FILIP1L: variants seen among roughly 807,000 people sequenced by gnomAD.
The protein encoded by FILIP1L is filamin A interacting protein 1 like.
A neutral mutation model predicts 96.6 loss-of-function variants in FILIP1L; 55 were observed. The ratio of observed to expected loss-of-function variants is 0.57; its 90% CI spans 0.46 to 0.71. FILIP1L has a LOEUF of 0.71. Among genes scored for constraint, FILIP1L ranks in the 30% least tolerant of loss-of-function variants. FILIP1L has a pLI of 0.00. For synonymous variants in FILIP1L, 467 were observed against 473.9 expected (o/e 0.99, Z 0.19); for missense variants, 1,304 against 1,321.2 (o/e 0.99, Z 0.20).
At chr3:100,100,852 T>C (rs953109472) in intron 1 of FILIP1L, among the ~76,000 whole-genome samples, 2 of 152,168 alleles carry the variant, frequency 1.3e-5, no homozygotes, top group African/African-American at 4.8e-5. Context: ...TGAAGAGAAT[T>C]CTTTCAGGCA....
At chr3:100,080,629 G>C (rs1481785164) in intron 1 of FILIP1L, among the ~76,000 whole-genome samples, 5 of 152,196 alleles carry the variant, frequency 3.3e-5, no homozygotes, top group Non-Finnish European at 5.9e-5. Flanking sequence ...GTGATGCCTT[G>C]TTCTGTTCTC....
At chr3:99,934,241 A>G (rs773876018) in intron 1 of FILIP1L, among the ~76,000 whole-genome samples, 3 of 152,224 alleles carry the variant, frequency 2.0e-5, no homozygotes, top group Non-Finnish European at 4.4e-5. Context: ...CTCTACATGG[A>G]AGAAGATACA....
intron 1 of FILIP1L, chr3:100,040,235 A>G (rs1453153822): frequency 6.6e-6 from 1 of 152,182 alleles, no homozygotes; most frequent in Non-Finnish European, 1.5e-5. Flanking sequence ...AAGATTAAAC[A>G]AAGAGTTCTC....
chr3:99,971,070 G>C (rs1046446624), intron 1 of FILIP1L, among the ~76,000 whole-genome samples: 7 of 152,196 alleles, frequency 4.6e-5, no homozygotes, highest in African/African-American at 9.6e-5. Flanking sequence ...GGGCGTGGTG[G>C]CTCACGCCTG....
intron 1 of FILIP1L, among the ~76,000 whole-genome samples, chr3:100,045,270 A>G (rs1195703366): frequency 1.3e-5 from 2 of 152,228 alleles, no homozygotes; most frequent in Non-Finnish European, 2.9e-5. Flanking sequence ...AGCACATAGC[A>G]CAGTATCTAG....
At chr3:99,831,670 G>A (rs1942673399) in intron 5 of FILIP1L, among the ~76,000 whole-genome samples, 1 of 152,186 alleles carries the variant, frequency 6.6e-6, no homozygotes, top group Admixed American at 6.5e-5. Context: ...TCAAGATTTA[G>A]ATTGGGTCTC....
chr3:99,939,695 A>C (rs1051744166), intron 1 of FILIP1L, among the ~76,000 whole-genome samples: 30 of 152,274 alleles, frequency 2.0e-4, no homozygotes, highest in Admixed American at 4.6e-4. Context: ...TTTAATGAAA[A>C]CTTCTTCCAG....
intron 5 of FILIP1L, chr3:99,833,022 A>G (rs1255459696): frequency 1.8e-6 from 1 of 550,644 alleles, no homozygotes; most frequent in African/African-American, 1.9e-5. Context: ...TGCAAGAGAA[A>G]TACATGCATA....
intron 1 of FILIP1L, among the ~76,000 whole-genome samples, chr3:99,947,652 A>G (rs1056059809): frequency 2.0e-5 from 3 of 152,352 alleles, no homozygotes; most frequent in South Asian, 2.1e-4. Flanking sequence ...ATCGCAACTC[A>G]TAATCATTAT....
At chr3:99,986,365 A>C (rs1709342382) in intron 1 of FILIP1L, among the ~76,000 whole-genome samples, 1 of 152,218 alleles carries the variant, frequency 6.6e-6, no homozygotes, top group Non-Finnish European at 1.5e-5. Context: ...TAAAGAGAAT[A>C]GTATGTGTGC....
intron 1 of FILIP1L, among the ~76,000 whole-genome samples, chr3:100,018,562 A>T (rs1474053451): frequency 6.6e-6 from 1 of 152,152 alleles, no homozygotes; most frequent in South Asian, 2.1e-4. Context: ...ACTCGAAATG[A>T]ATTAAAGACT....
At chr3:100,056,094 A>G (rs1194759293) in intron 1 of FILIP1L, among the ~76,000 whole-genome samples, 1 of 152,194 alleles carries the variant, frequency 6.6e-6, no homozygotes, top group Non-Finnish European at 1.5e-5. Context: ...ATGGTATACC[A>G]AGGTCTTAAG....
At chr3:100,047,336 G>A (rs1434094580) in intron 1 of FILIP1L, among the ~76,000 whole-genome samples, 1 of 152,180 alleles carries the variant, frequency 6.6e-6, no homozygotes, top group African/African-American at 2.4e-5. Context: ...ATTTATTGAT[G>A]CTATTATTGT....
chr3:100,035,138 G>A (rs902981133), intron 1 of FILIP1L, among the ~76,000 whole-genome samples: 1 of 152,130 alleles, frequency 6.6e-6, no homozygotes, highest in African/African-American at 2.4e-5. Context: ...TTTCAAGTTT[G>A]TGCTTTCTAG....
intron 1 of FILIP1L, among the ~76,000 whole-genome samples, chr3:99,952,708 C>G (rs993648622): frequency 1.4e-4 from 22 of 151,970 alleles, no homozygotes; most frequent in African/African-American, 5.3e-4. Context: ...TAAATAATAT[C>G]TATAGTTTAC....
intron 1 of FILIP1L, among the ~76,000 whole-genome samples, chr3:100,091,289 A>C (rs917457732): frequency 2.1e-5 from 3 of 145,044 alleles, no homozygotes; most frequent in Non-Finnish European, 4.6e-5. Flanking sequence ...CGTCTCAAAA[A>C]AAAAAAAAAA....
intron 5 of FILIP1L, among the ~76,000 whole-genome samples, chr3:99,847,045 C>T (rs1179476143): frequency 2.0e-5 from 3 of 152,128 alleles, no homozygotes; most frequent in African/African-American, 4.8e-5. Context: ...TAGGAGGATT[C>T]GGCTGAGTTA....
intron 1 of FILIP1L, among the ~76,000 whole-genome samples, chr3:99,932,846 G>A (rs760987966): frequency 1.5e-4 from 23 of 152,098 alleles, no homozygotes; most frequent in African/African-American, 4.1e-4. Context: ...AGCCAAGATC[G>A]CGCCCGGCAC....
intron 1 of FILIP1L, among the ~76,000 whole-genome samples, chr3:99,958,466 C>T (rs1708402332): frequency 6.6e-6 from 1 of 151,968 alleles, no homozygotes; most frequent in African/African-American, 2.4e-5. Context: ...CACTCAGGCC[C>T]ACCTTTCAAG....
Sources: allele counts gnomAD v4.1 joint callset (sites outside exome capture counted in the v4.1 genomes callset), GRCh38; gene constraint gnomAD v4.1.1; transcripts MANE v1.5; gene names NCBI Gene and HGNC (gene_info 2026-07-23, HGNC 2026-07-21).